SYTL5: variants seen among roughly 807,000 people sequenced by gnomAD.
SYTL5 encodes the protein synaptotagmin like 5, also known as synaptotagmin-like protein 5.
Under a neutral mutation model 55.9 loss-of-function variants are expected in SYTL5, and 34 were observed. The ratio of observed to expected loss-of-function variants is 0.61; its 90% CI spans 0.46 to 0.81. The LOEUF is 0.81. SYTL5 is among the 30% of genes least tolerant of loss of function. The probability of loss-of-function intolerance (pLI) is 0.00; values close to 1 mark genes in which losing one functional copy is unlikely to be tolerated. For missense variants in SYTL5, 637 were observed against 546.7 expected (o/e 1.17, Z -1.65); for synonymous variants, 221 against 188.7 (o/e 1.17, Z -1.40).
At chrX:37,921,952 C>T in the SYTL5 span, among the ~76,000 whole-genome samples, 192 of 111,796 alleles carry the variant, frequency 1.7e-3, no homozygotes, top group Middle Eastern at 9.2e-3. Context: ...GAAATGCTAC[C>T]AATTTAGGAT....
At chrX:38,055,788 C>A (rs1387601007) in intron 3 of SYTL5, among the ~76,000 whole-genome samples, 1 of 111,771 alleles carries the variant, frequency 8.9e-6, no homozygotes, top group African/African-American at 3.3e-5. Flanking sequence ...TAGAGCAATT[C>A]AAACTATGTT....
At chrX:37,922,364 C>T in the SYTL5 span, among the ~76,000 whole-genome samples, 2 of 111,514 alleles carry the variant, frequency 1.8e-5, no homozygotes, top group African/African-American at 6.5e-5. Context: ...TCCAAATATT[C>T]GGGAGAAAAT....
chrX:38,063,989 T>G (rs915022503), intron 3 of SYTL5, among the ~76,000 whole-genome samples: 3 of 110,814 alleles, frequency 2.7e-5, no homozygotes, highest in Non-Finnish European at 5.7e-5. Flanking sequence ...AATCTGTGGA[T>G]CATGACCCAT....
the SYTL5 span, among the ~76,000 whole-genome samples, chrX:37,941,256 C>T: frequency 1.2e-4 from 13 of 111,847 alleles, no homozygotes; most frequent in African/African-American, 3.3e-4. Flanking sequence ...CCGCTCCCCA[C>T]CACATCCAGC....
chrX:38,030,494 T>C (rs971360576), intron 1 of SYTL5, among the ~76,000 whole-genome samples: 1 of 111,931 alleles, frequency 8.9e-6, no homozygotes, highest in Admixed American at 9.6e-5. Context: ...TTTTAAAAAG[T>C]CCTTTTAAAT....
At chrX:38,073,723 A>G in intron 5 of SYTL5, 25 bp downstream of exon 5, 1 of 1,059,259 alleles carries the variant, frequency 9.4e-7, no homozygotes, top group Non-Finnish European at 1.3e-6. Flanking sequence ...TTCTGAGGGA[A>G]TTTTTGATCT....
the SYTL5 span, among the ~76,000 whole-genome samples, chrX:37,984,135 T>G: frequency 9.1e-6 from 1 of 110,123 alleles, no homozygotes; most frequent in Non-Finnish European, 1.9e-5. Context: ...AAGGAAATAA[T>G]ACAGACCGGA....
chrX:37,942,908 C>A, the SYTL5 span, among the ~76,000 whole-genome samples: 1 of 111,564 alleles, frequency 9.0e-6, no homozygotes, highest in African/African-American at 3.3e-5. Flanking sequence ...GCTTTCATCC[C>A]TTCCTCCCTT....
intron 2 of SYTL5, among the ~76,000 whole-genome samples, chrX:38,040,283 G>A (rs1401681136): frequency 1.8e-5 from 2 of 111,248 alleles, no homozygotes; most frequent in Non-Finnish European, 3.8e-5. Flanking sequence ...AACACATCAT[G>A]GAGAATGGGG....
the SYTL5 span, among the ~76,000 whole-genome samples, chrX:37,995,046 G>A: frequency 4.5e-5 from 5 of 110,607 alleles, no homozygotes; most frequent in African/African-American, 1.7e-4. Flanking sequence ...GATTTAGAGG[G>A]GGCAGTTTCC....
chrX:38,002,627 A>T (rs1260303407), upstream of SYTL5, among the ~76,000 whole-genome samples: 1 of 111,881 alleles, frequency 8.9e-6, no homozygotes, highest in African/African-American at 3.3e-5. Flanking sequence ...GATGATGAGC[A>T]TTTTTTCATC....
intron 1 of SYTL5, among the ~76,000 whole-genome samples, chrX:38,030,590 GA>G (rs1934924060): frequency 8.9e-6 from 1 of 112,304 alleles, no homozygotes; most frequent in African/African-American, 3.2e-5. Context: ...TCAAAGAAAG[GA>G]AAAATTCCAG....
chrX:38,108,575 T>G, intron 11 of SYTL5, 25 bp from the exon 12 acceptor site: 1 of 1,056,268 alleles, frequency 9.5e-7, no homozygotes, highest in Non-Finnish European at 1.3e-6. Context: ...TCACAATAAT[T>G]ACATTTATAT....
At chrX:37,981,183 C>T in the SYTL5 span, among the ~76,000 whole-genome samples, 6 of 112,387 alleles carry the variant, frequency 5.3e-5, no homozygotes, top group Non-Finnish European at 1.9e-5. Context: ...TTTTAAAAGA[C>T]AGTTGAGAGT....
At chrX:37,925,693 G>A in the SYTL5 span, among the ~76,000 whole-genome samples, 51 of 110,589 alleles carry the variant, frequency 4.6e-4, no homozygotes, top group African/African-American at 1.6e-3. Flanking sequence ...TTGAGGTTTT[G>A]GTTCACCCAT....
chrX:37,943,892 C>T, the SYTL5 span, among the ~76,000 whole-genome samples: 1 of 111,385 alleles, frequency 9.0e-6, no homozygotes, highest in Non-Finnish European at 1.9e-5. Flanking sequence ...TTCACCATGG[C>T]TCCTGTTGAA....
intron 2 of SYTL5, among the ~76,000 whole-genome samples, chrX:38,034,992 T>C (rs186205134): frequency 5.3e-5 from 6 of 112,201 alleles, no homozygotes; most frequent in African/African-American, 1.9e-4. Context: ...AGAAAACTTA[T>C]CATGTGATTA....
intron 1 of SYTL5, among the ~76,000 whole-genome samples, chrX:38,019,710 C>G (rs758264560): frequency 1.8e-5 from 2 of 111,338 alleles, no homozygotes; most frequent in East Asian, 5.7e-4. Flanking sequence ...GCTCACTGCA[C>G]CCTCCACCTC....
chrX:38,046,570 A>G (rs1181419009), intron 2 of SYTL5, among the ~76,000 whole-genome samples: 2 of 111,925 alleles, frequency 1.8e-5, no homozygotes, highest in Non-Finnish European at 3.8e-5. Flanking sequence ...GGGAACTACA[A>G]TTCAAGATGA....
Sources: allele counts gnomAD v4.1 joint callset (sites outside exome capture counted in the v4.1 genomes callset), GRCh38; gene constraint gnomAD v4.1.1; transcripts MANE v1.5; gene names NCBI Gene and HGNC (gene_info 2026-07-23, HGNC 2026-07-21).